The following PPHLN1 variants were observed in gnomAD, a reference collection of about 807,000 sequenced individuals.
The protein encoded by PPHLN1 is periphilin-1.
A neutral mutation model predicts 51.3 loss-of-function variants in PPHLN1; 29 were observed. The ratio of observed to expected loss-of-function variants is 0.57; its 90% CI spans 0.42 to 0.77. The LOEUF is 0.77. PPHLN1 is among the 30% of genes least tolerant of loss of function. PPHLN1 has a pLI of 0.00. For missense variants in PPHLN1, 436 were observed against 438.4 expected (o/e 0.99, Z 0.05); for synonymous variants, 147 against 147.8 (o/e 0.99, Z 0.04).
chr12:42,433,149 T>C, intron 9 of PPHLN1: 1 of 773,030 alleles, frequency 1.3e-6, no homozygotes, highest in East Asian at 2.4e-5. Context: ...AGCAGTATAT[T>C]CAATGACATA....
At chr12:42,390,114 A>G (rs186761968) in intron 7 of PPHLN1, among the ~76,000 whole-genome samples, 1 of 152,068 alleles carries the variant, frequency 6.6e-6, no homozygotes, top group African/African-American at 2.4e-5. Context: ...TGCCTTTTAT[A>G]CTTTTTGGCT....
At chr12:42,353,629 A>C (rs1436737481) in intron 3 of PPHLN1, among the ~76,000 whole-genome samples, 1 of 152,038 alleles carries the variant, frequency 6.6e-6, no homozygotes, top group Non-Finnish European at 1.5e-5. Flanking sequence ...TGTGGTCCTC[A>C]TATTTATTAC....
At chr12:42,431,380 C>A (rs1472637698) in intron 9 of PPHLN1, among the ~76,000 whole-genome samples, 1 of 152,166 alleles carries the variant, frequency 6.6e-6, no homozygotes, top group Non-Finnish European at 1.5e-5. Context: ...CACCACCCCC[C>A]ATCTGCCATA....
intron 4 of PPHLN1, among the ~76,000 whole-genome samples, chr12:42,364,504 C>T (rs10880296): frequency 0.16 from 24,892 of 151,926 alleles, 2,100 homozygotes; most frequent in Admixed American, 0.21. Context: ...TGGTGGCATG[C>T]GCTTGGTACC....
intron 4 of PPHLN1, among the ~76,000 whole-genome samples, chr12:42,373,842 A>C (rs1216616570): frequency 1.3e-5 from 2 of 152,248 alleles, no homozygotes; most frequent in Non-Finnish European, 2.9e-5. Context: ...AGAGATGGGC[A>C]ACAATCTATG....
chr12:42,445,723 A>C, downstream of PPHLN1: 1 of 374,468 alleles, frequency 2.7e-6, no homozygotes, highest in Non-Finnish European at 4.7e-6. Context: ...TTCACCCTTA[A>C]AAATATGCTC....
At chr12:42,417,497 A>C (rs2080498059) in intron 9 of PPHLN1, among the ~76,000 whole-genome samples, 1 of 151,610 alleles carries the variant, frequency 6.6e-6, no homozygotes, top group African/African-American at 2.4e-5. Context: ...CATATGTTAC[A>C]TGTTGGTATG....
At chr12:42,340,328 AAG>A (rs201168248) in intron 2 of PPHLN1, among the ~76,000 whole-genome samples, 51 of 150,856 alleles carry the variant, frequency 3.4e-4, no homozygotes, top group Middle Eastern at 3.4e-3. Context: ...AAAAAAAAAA[AAG>A]ATTTAAAAAT....
chr12:42,422,246 TA>T (rs1277981604), intron 9 of PPHLN1, among the ~76,000 whole-genome samples: 1 of 152,208 alleles, frequency 6.6e-6, no homozygotes, highest in African/African-American at 2.4e-5. Flanking sequence ...CAAATAACAC[TA>T]AACCCTCAGA....
At chr12:42,349,549 CT>C (rs2072894910) in intron 2 of PPHLN1, among the ~76,000 whole-genome samples, 4 of 150,982 alleles carry the variant, frequency 2.6e-5, no homozygotes, top group African/African-American at 9.9e-5. Flanking sequence ...GCAGAGGACC[CT>C]GCGGCCTTCC....
intron 1 of PPHLN1, among the ~76,000 whole-genome samples, chr12:42,334,115 G>A (rs1409563317): frequency 6.6e-6 from 1 of 152,074 alleles, no homozygotes; most frequent in African/African-American, 2.4e-5. Flanking sequence ...ACCTTTAGTG[G>A]ATTCAGTAAA....
At chr12:42,372,771 C>G (rs924509843) in intron 4 of PPHLN1, among the ~76,000 whole-genome samples, 1 of 152,094 alleles carries the variant, frequency 6.6e-6, no homozygotes, top group Non-Finnish European at 1.5e-5. Flanking sequence ...TAGTTGCTTA[C>G]CTAGATATTA....
chr12:42,440,022 A>G (rs1008265391), intron 9 of PPHLN1, among the ~76,000 whole-genome samples: 86 of 151,614 alleles, frequency 5.7e-4, no homozygotes, highest in African/African-American at 2.0e-3. Context: ...CTTGTATTTT[A>G]ACAGTATTGA....
chr12:42,444,788 C>T, downstream of PPHLN1: 1 of 451,358 alleles, frequency 2.2e-6, no homozygotes, highest in Non-Finnish European at 3.9e-6. Context: ...TACTTCAGTT[C>T]TTATCTAGTA....
chr12:42,411,607 A>G (rs118144230), intron 9 of PPHLN1, among the ~76,000 whole-genome samples: 1 of 152,194 alleles, frequency 6.6e-6, no homozygotes, highest in African/African-American at 2.4e-5. Context: ...ATTGTATTCA[A>G]TAAATAGGTT....
intron 2 of PPHLN1, among the ~76,000 whole-genome samples, chr12:42,336,299 G>A (rs1161227106): frequency 6.6e-6 from 1 of 152,146 alleles, no homozygotes; most frequent in Non-Finnish European, 1.5e-5. Context: ...ACCTGCTCCT[G>A]CTGTTATTGG....
At position 42,384,952 on chromosome 12, in the gene PPHLN1, C is replaced by T. The variant is rs775805012; in HGVS notation, c.524C>T (p.Pro175Leu). ...HQSQHRKSVR[P>L]GASYKRQNEG... is the part of the protein sequence containing the mutation. Reference sequence around the variant, plus strand: ...CACCTTTCCATAGAGTCCGTGCGTCCTGGTGCCTCCTACAAACGGCAGAAT... The same window carrying T: ...CACCTTTCCATAGAGTCCGTGCGTCTTGGTGCCTCCTACAAACGGCAGAAT... The change falls in exon 6 of 10, where the codon CCT (proline) becomes CTT (leucine). Residue 175 changes from proline to leucine, a missense_variant. Pro to Leu is a moderately conservative substitution (Grantham distance 98, BLOSUM62 -3). Transcript: ENST00000358314. 6 of 1,611,228 alleles carry T rather than the reference C, an allele frequency of 3.7e-6. No individual in the cohort carries two copies. Among genetic ancestry groups the T allele is most frequent in the Admixed American group, 1.7e-5 (1 of 60,012 alleles).
intron 2 of PPHLN1, among the ~76,000 whole-genome samples, chr12:42,350,637 G>T (rs1286831081): frequency 6.6e-6 from 1 of 152,134 alleles, no homozygotes; most frequent in Non-Finnish European, 1.5e-5. Flanking sequence ...AGGTTGTAGC[G>T]AGCGGAGATC....
intron 2 of PPHLN1, 29 bp downstream of exon 2, chr12:42,336,003 C>G: frequency 1.4e-6 from 2 of 1,414,348 alleles, no homozygotes; most frequent in Non-Finnish European, 1.9e-6. Flanking sequence ...TTGAATGATT[C>G]AAAAACCTGG....
Sources: gnomAD v4.1 joint callset for allele counts (sites outside exome capture counted in the v4.1 genomes callset) on GRCh38, gnomAD v4.1.1 for gene constraint, MANE v1.5 for transcripts, NCBI Gene and HGNC (gene_info 2026-07-23, HGNC 2026-07-21) for gene names.